CUX1: variants seen among roughly 807,000 people sequenced by gnomAD.
CUX1 encodes the protein cut like homeobox 1, also known as protein CASP.
Under a neutral mutation model 158.8 loss-of-function variants are expected in CUX1, and 31 were observed. The observed-to-expected ratio is 0.20, with a 90% confidence interval of 0.15 to 0.26. CUX1 has a LOEUF of 0.26. CUX1 is among the 10% of genes least tolerant of loss of function. The pLI is 1.00. For missense variants in CUX1, 1,589 were observed against 2,014.6 expected (o/e 0.79, Z 4.04); for synonymous variants, 879 against 862.1 (o/e 1.02, Z -0.34).
intron 8 of CUX1, among the ~76,000 whole-genome samples, chr7:102,150,531 G>GC (rs1276466529): frequency 2.0e-4 from 30 of 152,054 alleles, no homozygotes; most frequent in Non-Finnish European, 3.2e-4. Context: ...TTTTCCAACT[G>GC]CCTTGTAGAT....
chr7:102,228,072 T>C (rs1186705388), intron 21 of CUX1, among the ~76,000 whole-genome samples: 9 of 146,920 alleles, frequency 6.1e-5, no homozygotes, highest in African/African-American at 2.3e-4. Flanking sequence ...TGCCCCAGCC[T>C]CCTGAGTAGC....
chr7:101,934,317 G>GTT (rs1806664624), intron 2 of CUX1, among the ~76,000 whole-genome samples: 1 of 152,190 alleles, frequency 6.6e-6, no homozygotes, highest in Non-Finnish European at 1.5e-5. Flanking sequence ...CATAGTCGAT[G>GTT]TTTTAAAAAG....
chr7:102,166,736 T>A (rs1017625440), intron 9 of CUX1, among the ~76,000 whole-genome samples: 1 of 152,236 alleles, frequency 6.6e-6, no homozygotes, highest in Non-Finnish European at 1.5e-5. Context: ...TGAATTCTCC[T>A]GTTTCGTGGA....
intron 1 of CUX1, among the ~76,000 whole-genome samples, chr7:101,851,476 G>A (rs1056690266): frequency 2.0e-4 from 30 of 152,156 alleles, no homozygotes; most frequent in Admixed American, 1.6e-3. Flanking sequence ...CATTTGCTGC[G>A]GGGATGTTCT....
At chr7:101,816,368 G>C (rs1324401215), upstream of CUX1, among the ~76,000 whole-genome samples, 1 of 144,162 alleles carries the variant, frequency 6.9e-6, no homozygotes, top group African/African-American at 2.5e-5. Context: ...CACTGCCCCC[G>C]GTGTCTGCCC....
Position 102,204,335 on chromosome 7 carries a change from G to C in CUX1, c.2908-56G>C, listed in dbSNP as rs1401603298. 2.5e-6 allele frequency: 4 copies of C among 1,595,888 alleles called. No homozygotes were observed. In the East Asian group the frequency reaches 9.0e-5, roughly 36 times the overall value. The stretch of plus-strand genomic sequence containing the variant: ...GTGGGTGTGCATTGCAGCAGCATCT[G>C]TGGTGTCATGCTAATAGCCAGGCAC... On this transcript the variant is annotated intron_variant, in intron 18 of 23. Coordinates refer to ENST00000292535, the MANE Select transcript of CUX1 (RefSeq NM_181552.4).
rs1164065810 is a variant in CUX1 at position 102,202,041 on chromosome 7, C to T, written c.2744C>T (p.Pro915Leu). Residue 915 changes from proline (P) to leucine (L), a missense_variant, in exon 18 of 24, where the codon CCG becomes CTG. Physicochemically the swap from Pro to Leu is moderately conservative, Grantham distance 98. Around this residue, in one of 8 missense-constraint regions of CUX1, gnomAD observed 337 missense variants for 409.3 expected, o/e 0.82. Coordinates refer to ENST00000292535, the MANE Select transcript of CUX1 (RefSeq NM_181552.4). ...TPQNSPLPSS[P>L]IVPMSKPTKP... ...CAGAACAGCCCCCTGCCATCCTCCCCGATCGTGCCCATGTCCAAGCCCACC... is the reference window on the plus strand; with the variant it reads ...CAGAACAGCCCCCTGCCATCCTCCCTGATCGTGCCCATGTCCAAGCCCACC... The T allele has an allele frequency of 8.7e-6, 14 of 1,613,986 alleles. No individual in the cohort carries two copies. The highest frequency in any genetic ancestry group is 1.3e-5 in the African/African-American group (1 of 74,890).
At chr7:102,206,510 G>A (rs542862818) in intron 20 of CUX1, among the ~76,000 whole-genome samples, 117 of 152,296 alleles carry the variant, frequency 7.7e-4, no homozygotes, top group Admixed American at 2.0e-3. Context: ...CTGCTCTAAC[G>A]GGAAGTTGGC....
rs10584842 is a variant in CUX1 at position 101,927,147 on chromosome 7, A to AACAC, written c.141+10949_141+10952dup. On this transcript the variant is annotated intron_variant, in intron 2 of 23. Transcript: ENST00000292535. ...GACTTTTTGTATCACCTGTCAACACAACACACACACACACACACACACACA... is the reference window on the plus strand; with the variant it reads ...GACTTTTTGTATCACCTGTCAACACAACACACACACACACACACACACACACACA... Among the ~76,000 whole-genome samples the AACAC allele has an allele frequency of 4.9e-4, 74 of 149,608 alleles. No homozygotes were observed. In the East Asian group the frequency reaches 7.3e-3, roughly 15 times the overall value.
intron 5 of CUX1, among the ~76,000 whole-genome samples, chr7:102,100,081 A>G (rs1270546011): frequency 1.3e-5 from 2 of 152,152 alleles, no homozygotes; most frequent in Non-Finnish European, 2.9e-5. Flanking sequence ...TGAGTTCGAG[A>G]CCAGCCTGGC....
intron 20 of CUX1, among the ~76,000 whole-genome samples, chr7:102,207,405 G>A (rs1554521942): frequency 6.6e-6 from 1 of 152,000 alleles, no homozygotes; most frequent in African/African-American, 2.4e-5. Context: ...CAAAAATCGT[G>A]GTGACTAGGG....
At chr7:101,822,769 C>T (rs947715438) in intron 1 of CUX1, among the ~76,000 whole-genome samples, 10 of 151,932 alleles carry the variant, frequency 6.6e-5, no homozygotes, top group African/African-American at 2.4e-4. Flanking sequence ...GGCGTGGTGG[C>T]GCATATCCAT....
downstream of CUX1, among the ~76,000 whole-genome samples, chr7:102,262,715 C>T (rs1486224049): frequency 2.0e-5 from 3 of 152,050 alleles, no homozygotes; most frequent in African/African-American, 7.2e-5. Context: ...GCAAAGAGGG[C>T]CAGCTGTGCC....
At chr7:101,985,965 T>C (rs1217973514) in intron 2 of CUX1, among the ~76,000 whole-genome samples, 4 of 152,228 alleles carry the variant, frequency 2.6e-5, no homozygotes, top group Non-Finnish European at 5.9e-5. Context: ...GCAAGGTACC[T>C]GAAACAGGAA....
chr7:101,818,610 A>G (rs536575523), intron 1 of CUX1, among the ~76,000 whole-genome samples: 1 of 152,306 alleles, frequency 6.6e-6, no homozygotes, highest in South Asian at 2.1e-4. Context: ...ACCAAACCCC[A>G]AAACAAAGTC....
chr7:102,143,998 T>C (rs1223953033), intron 8 of CUX1, among the ~76,000 whole-genome samples: 1 of 151,848 alleles, frequency 6.6e-6, no homozygotes, highest in African/African-American at 2.4e-5. Context: ...GCCAGGCTGG[T>C]CTCGAACTCC....
At chr7:101,993,904 C>T (rs1055177495) in intron 2 of CUX1, among the ~76,000 whole-genome samples, 3 of 152,188 alleles carry the variant, frequency 2.0e-5, no homozygotes, top group East Asian at 1.9e-4. Context: ...CCATTCCCAG[C>T]GCTCCTGTTA....
intron 2 of CUX1, among the ~76,000 whole-genome samples, chr7:101,967,820 C>T (rs527280975): frequency 2.2e-4 from 34 of 152,320 alleles, no homozygotes; most frequent in African/African-American, 7.2e-4. Context: ...GGGGCCAGGA[C>T]GTCTGTAAGG....
chr7:102,115,351 G>A, intron 8 of CUX1, 78 bp downstream of exon 8: 2 of 1,274,820 alleles, frequency 1.6e-6, no homozygotes, highest in South Asian at 1.3e-5. Context: ...GGATCGAGAA[G>A]GTTCTTGACC....
Sources: gnomAD v4.1 joint callset for allele counts (sites outside exome capture counted in the v4.1 genomes callset) on GRCh38, gnomAD v4.1.1 for gene constraint, gnomAD v4.1.1 regional missense constraint, MANE v1.5 for transcripts, NCBI Gene and HGNC (gene_info 2026-07-23, HGNC 2026-07-21) for gene names.